MTAP: variants seen among roughly 807,000 people sequenced by gnomAD.
MTAP encodes methylthioadenosine phosphorylase.
In MTAP, 33 loss-of-function variants were observed where a neutral mutation model predicts 33.6. The observed-to-expected ratio is 0.98, with a 90% confidence interval of 0.74 to 1.31. MTAP has a LOEUF of 1.31. Ranked by LOEUF, MTAP falls within the 40% of genes most tolerant of loss-of-function variation. The pLI is 0.00. For synonymous variants in MTAP, 148 were observed against 125.7 expected, an observed-to-expected ratio of 1.18 and a Z score of -1.19; for missense variants, 367 against 360.0, an observed-to-expected ratio of 1.02 and a Z score of -0.16.
At chr9:21,884,355 G>A (rs1818072420) in intron 1 of MTAP, among the ~76,000 whole-genome samples, 1 of 152,142 alleles carries the variant, frequency 6.6e-6, no homozygotes, top group Admixed American at 6.6e-5. Flanking sequence ...ATACTTATAT[G>A]ATGGAATAAT....
At chr9:21,830,754 A>C (rs1459569617) in intron 4 of MTAP, among the ~76,000 whole-genome samples, 1 of 152,164 alleles carries the variant, frequency 6.6e-6, no homozygotes, top group East Asian at 1.9e-4. Context: ...TAGGGGAAAA[A>C]AGACCTCATA....
chr9:21,812,033 A>G (rs560880037), intron 1 of MTAP: 1 of 256,516 alleles, frequency 3.9e-6, no homozygotes, highest in Admixed American at 4.6e-5. Context: ...CGTAGCAACC[A>G]TGGCAGAGGT....
At chr9:21,859,206 C>G in intron 6 of MTAP, 97 bp from the exon 7 acceptor site, 5 of 1,506,010 alleles carry the variant, frequency 3.3e-6, no homozygotes, top group Non-Finnish European at 4.4e-6. Flanking sequence ...GGGACACAAA[C>G]ATTTAGGCTG....
chr9:21,802,671 A>G lies in MTAP; in HGVS notation c.-78A>G, dbSNP rs1824077799. 6 of 1,558,568 alleles carry G rather than the reference A, an allele frequency of 3.8e-6. No individual in the cohort carries two copies. The highest frequency in any genetic ancestry group is 1.4e-5 in the African/African-American group (1 of 73,376). On this transcript the variant is annotated 5_prime_UTR_variant, in exon 1 of 8. Coordinates refer to ENST00000644715, the MANE Select transcript of MTAP (RefSeq NM_002451.4). ...CTCACTCCCGCGCAGTGAGGTTGGC[A>G]CAGCCACCGCTCTGTGGCTCGCTTG...
At chr9:21,830,641 C>G (rs912944773) in intron 4 of MTAP, among the ~76,000 whole-genome samples, 1 of 152,176 alleles carries the variant, frequency 6.6e-6, no homozygotes, top group African/African-American at 2.4e-5. Context: ...CTCCCAGATT[C>G]ATAATTTTGG....
Position 21,864,875 on chromosome 9 carries a change from T to C in MTAP, c.*2861T>C. ...CTCTGGCTGCTACCTCAGGGCATGG[T>C]TGTGGCCCCACCAACACCTATTTTC... is the stretch of plus-strand genomic sequence containing the variant. On this transcript the variant is annotated 3_prime_UTR_variant, in exon 8 of 8. Coordinates refer to ENST00000644715, the MANE Select transcript of MTAP (RefSeq NM_002451.4). 1.0e-6 allele frequency: 1 copy of C among 985,498 alleles called. No individual in the cohort carries two copies. The highest frequency in any genetic ancestry group is 5.2e-4 in the Middle Eastern group (1 of 1,914). 61.0% of individuals were successfully genotyped at this position (985,498 alleles called of 1,614,324 possible). A position where few individuals can be genotyped will look rare whatever the true frequency, so the allele number is the denominator to read the frequency against.
At chr9:21,808,609 C>A (rs1449209590) in intron 1 of MTAP, among the ~76,000 whole-genome samples, 3 of 144,308 alleles carry the variant, frequency 2.1e-5, no homozygotes, top group East Asian at 2.1e-4. Flanking sequence ...AAAAAAAACA[C>A]ACACACACAC....
At chr9:21,881,238 A>G (rs1174229964) in intron 1 of MTAP, among the ~76,000 whole-genome samples, 1 of 152,074 alleles carries the variant, frequency 6.6e-6, no homozygotes, top group African/African-American at 2.4e-5. Flanking sequence ...TCTTACCACC[A>G]TACACAAAAA....
At chr9:21,938,439 AAAAAAGAAAGAAAGAAAGGG>A (rs1283445571), downstream of MTAP, among the ~76,000 whole-genome samples, 1 of 151,990 alleles carries the variant, frequency 6.6e-6, no homozygotes, top group Non-Finnish European at 1.5e-5. Flanking sequence ...ACCTTGGAAA[AAAAAAGAAAGAAAGAAAGGG>A]AAAAAGAAAG....
chr9:21,934,441 G>T (rs1819009884), downstream of MTAP: 1 of 152,098 alleles, frequency 6.6e-6, no homozygotes, highest in Admixed American at 6.6e-5. This position sits in a 1 kb window ranked among gnomAD's most constrained non-coding sequence, Gnocchi z 5.0. Flanking sequence ...CTTTAAGTTT[G>T]TTGGATTAAC....
chr9:21,883,467 G>A (rs1223219385), intron 1 of MTAP, among the ~76,000 whole-genome samples: 1 of 152,012 alleles, frequency 6.6e-6, no homozygotes, highest in Non-Finnish European at 1.5e-5. Context: ...AGAAAATAAT[G>A]TGACATTATC....
At chr9:21,881,869 T>C (rs1818017504) in intron 1 of MTAP, among the ~76,000 whole-genome samples, 1 of 151,986 alleles carries the variant, frequency 6.6e-6, no homozygotes, top group South Asian at 2.1e-4. Context: ...CAATCACATC[T>C]TTGCATATGT....
chr9:21,927,011 A>G (rs1818880623), intron 1 of MTAP, among the ~76,000 whole-genome samples: 1 of 152,196 alleles, frequency 6.6e-6, no homozygotes, highest in Non-Finnish European at 1.5e-5. Flanking sequence ...TTAAGTCCTT[A>G]TATCAGGTTC....
chr9:21,802,927 A>ACTCACTTG, intron 1 of MTAP, 146 bp downstream of exon 1: 1 of 1,409,100 alleles, frequency 7.1e-7, no homozygotes, highest in Non-Finnish European at 9.2e-7. Flanking sequence ...GGCACTCGGG[A>ACTCACTTG]CTCACTTGCC....
rs1279153304 is a variant in MTAP, at chr9:21,864,094, C to T, written c.*2080C>T. 2.0e-6 allele frequency: 2 copies of T among 985,270 alleles called. No homozygotes were observed. Among genetic ancestry groups the T allele is most frequent in the African/African-American group, 1.7e-5 (1 of 57,228 alleles). 61.0% of individuals were successfully genotyped at this position (985,270 alleles called of 1,614,324 possible). ...TAATAGGTGTCTAAGAATGTCAGGG[C>T]AAAAGTATGGGCATTTTTCTTGCTA... is the stretch of plus-strand genomic sequence containing the variant. On this transcript the variant is annotated 3_prime_UTR_variant, in exon 8 of 8. Transcript: ENST00000644715.
At chr9:21,839,739 T>A (rs768370694) in intron 5 of MTAP, among the ~76,000 whole-genome samples, 1 of 152,230 alleles carries the variant, frequency 6.6e-6, no homozygotes, top group Non-Finnish European at 1.5e-5. Context: ...TTTCATGTAC[T>A]GATGGAATAG....
intron 6 of MTAP, among the ~76,000 whole-genome samples, chr9:21,856,643 G>A (rs1339958000): frequency 6.6e-6 from 1 of 152,194 alleles, no homozygotes; most frequent in Non-Finnish European, 1.5e-5. Context: ...GTAGCCAAAT[G>A]AGGTTGGGGA....
At chr9:21,927,289 G>T (rs899615915) in intron 1 of MTAP, among the ~76,000 whole-genome samples, 4 of 152,190 alleles carry the variant, frequency 2.6e-5, no homozygotes, top group African/African-American at 9.7e-5. Flanking sequence ...GGTAGTGGCT[G>T]CAGCAGCCCT....
chr9:21,828,168 C>G (rs1170256036), intron 4 of MTAP, among the ~76,000 whole-genome samples: 1 of 152,150 alleles, frequency 6.6e-6, no homozygotes, highest in Non-Finnish European at 1.5e-5. Context: ...TTAAGATCTT[C>G]TACTATTTTT....
Sources: gnomAD v4.1 joint callset for allele counts (sites outside exome capture counted in the v4.1 genomes callset) on GRCh38, gnomAD v4.1.1 for gene constraint, Gnocchi (gnomAD v3.1) non-coding constraint, MANE v1.5 for transcripts, NCBI Gene and HGNC (gene_info 2026-07-23, HGNC 2026-07-21) for gene names.